ADAD1: variants seen among roughly 807,000 people sequenced by gnomAD.
ADAD1 encodes the protein adenosine deaminase domain containing 1, also known as adenosine deaminase domain-containing protein 1.
ADAD1 carries 46 observed loss-of-function variants against 66.8 expected under a neutral mutation model. That is an observed-to-expected ratio of 0.69 (90% CI 0.54 to 0.88). The LOEUF is 0.88. Among genes scored for constraint, ADAD1 ranks in the 40% least tolerant of loss-of-function variants. The pLI is 0.00. For synonymous variants in ADAD1, 248 were observed against 229.4 expected, an observed-to-expected ratio of 1.08 and a Z score of -0.73; for missense variants, 617 against 681.8, an observed-to-expected ratio of 0.91 and a Z score of 1.06.
At chr4:122,420,543 G>A (rs1796955025) in intron 11 of ADAD1, among the ~76,000 whole-genome samples, 1 of 152,186 alleles carries the variant, frequency 6.6e-6, no homozygotes, top group South Asian at 2.1e-4. Context: ...AAATTCAAGG[G>A]AAGGGAAAAT....
chr4:122,411,490 C>T (rs988122326), intron 9 of ADAD1, 98 bp downstream of exon 9: 7 of 1,207,292 alleles, frequency 5.8e-6, no homozygotes, highest in African/African-American at 4.8e-5. Context: ...TCTAATTACC[C>T]GTATTTTCTC....
chr4:122,418,630 G>A (rs1271289217), intron 11 of ADAD1, among the ~76,000 whole-genome samples: 1 of 151,972 alleles, frequency 6.6e-6, no homozygotes, highest in African/African-American at 2.4e-5. Context: ...TTATTTTCAT[G>A]AGAAAGTTAC....
chr4:122,389,529 C>G (rs1438199102), intron 5 of ADAD1, among the ~76,000 whole-genome samples: 1 of 152,174 alleles, frequency 6.6e-6, no homozygotes, highest in Non-Finnish European at 1.5e-5. Flanking sequence ...TTTTATGAAT[C>G]TGGGTGCTCC....
rs78459437 is a variant in ADAD1 at position 122,406,691 on chromosome 4, C to G, written c.725-1217C>G. ...ATCTTACACCATCCCCTTCACCCCA[C>G]TTACTAGATTAGCTATACTTCTCTC... On this transcript the variant is annotated intron_variant, in intron 7 of 12. Coordinates refer to ENST00000296513, the MANE Select transcript of ADAD1 (RefSeq NM_139243.4). Among the ~76,000 whole-genome samples the G allele has an allele frequency of 5.0e-3, 766 of 152,244 alleles. 15 individuals carry two copies. The highest frequency in any genetic ancestry group is 0.018 in the African/African-American group (731 of 41,542).
chr4:122,395,407 G>T (rs1795657173), intron 6 of ADAD1, among the ~76,000 whole-genome samples: 1 of 152,088 alleles, frequency 6.6e-6, no homozygotes. Flanking sequence ...ATGAGGCCGG[G>T]CGCGGTGGCT....
chr4:122,399,071 A>G (rs760232350), intron 7 of ADAD1, among the ~76,000 whole-genome samples: 1 of 152,108 alleles, frequency 6.6e-6, no homozygotes, highest in Non-Finnish European at 1.5e-5. Flanking sequence ...AGTTTTTCCA[A>G]TGTTATCTTC....
At chr4:122,391,234 G>A (rs1263755332) in intron 5 of ADAD1, among the ~76,000 whole-genome samples, 1 of 152,126 alleles carries the variant, frequency 6.6e-6, no homozygotes, top group Non-Finnish European at 1.5e-5. Context: ...ATGGGTGCCT[G>A]CTCCTCCCTC....
chr4:122,424,473 A>G (rs1376993802), intron 12 of ADAD1, among the ~76,000 whole-genome samples: 1 of 152,168 alleles, frequency 6.6e-6, no homozygotes, highest in Admixed American at 6.5e-5. Flanking sequence ...CTCTATATTG[A>G]AATAAAGTTG....
intron 11 of ADAD1, among the ~76,000 whole-genome samples, chr4:122,419,087 A>G (rs537527001): frequency 5.3e-5 from 8 of 152,256 alleles, no homozygotes; most frequent in Non-Finnish European, 8.8e-5. Context: ...GCATATGCTC[A>G]TTGCAGCACT....
At chr4:122,387,747 TTTTTTTG>T (rs1273217469) in intron 5 of ADAD1, among the ~76,000 whole-genome samples, 3 of 151,816 alleles carry the variant, frequency 2.0e-5, no homozygotes, top group Admixed American at 1.3e-4. Context: ...AGAGGTTTTT[TTTTTTTG>T]TTTTTTGTTT....
chr4:122,380,905 C>A, intron 3 of ADAD1, 87 bp from the exon 4 acceptor site: 1 of 1,234,002 alleles, frequency 8.1e-7, no homozygotes, highest in Non-Finnish European at 1.1e-6. Flanking sequence ...CTGGGACAAC[C>A]TTCCATTTCG....
intron 9 of ADAD1, among the ~76,000 whole-genome samples, chr4:122,412,343 G>T (rs781773738): frequency 1.3e-5 from 2 of 152,082 alleles, no homozygotes; most frequent in Non-Finnish European, 2.9e-5. Flanking sequence ...ATAAAGTGGT[G>T]ATAATATGAA....
chr4:122,413,277 T>G (rs1176705900), intron 10 of ADAD1, among the ~76,000 whole-genome samples: 4 of 152,180 alleles, frequency 2.6e-5, no homozygotes, highest in Non-Finnish European at 1.5e-5. Flanking sequence ...TCAAAAAGTT[T>G]GCAGAAACAA....
intron 12 of ADAD1, among the ~76,000 whole-genome samples, chr4:122,427,683 C>T (rs1283639195): frequency 2.0e-5 from 3 of 151,526 alleles, no homozygotes; most frequent in African/African-American, 7.3e-5. Flanking sequence ...TACAGGCACC[C>T]GCCACCACGC....
At chr4:122,408,057 A>G in intron 8 of ADAD1, 26 bp downstream of exon 8, 3 of 1,589,880 alleles carry the variant, frequency 1.9e-6, no homozygotes, top group Admixed American at 1.7e-5. Context: ...TATTAATGTT[A>G]TTAAATATGA....
chr4:122,384,171 A>T (rs537661339), intron 5 of ADAD1, among the ~76,000 whole-genome samples: 1 of 152,338 alleles, frequency 6.6e-6, no homozygotes, highest in East Asian at 1.9e-4. Context: ...AGGTATAATC[A>T]TGTTGCTAAA....
chr4:122,422,944 C>A, intron 12 of ADAD1, among the ~76,000 whole-genome samples: 1 of 135,794 alleles, frequency 7.4e-6, no homozygotes. Context: ...AGAGCAAGAC[C>A]CTATTTCTCT....
intron 4 of ADAD1, among the ~76,000 whole-genome samples, 177 bp from the exon 5 acceptor site, chr4:122,383,622 A>G (rs1795012281): frequency 6.6e-6 from 1 of 152,196 alleles, no homozygotes; most frequent in African/African-American, 2.4e-5. Flanking sequence ...GAGTTAGTTC[A>G]GATGCCCATT....
chr4:122,411,664 A>G (rs1345824327), intron 9 of ADAD1, among the ~76,000 whole-genome samples: 2 of 152,226 alleles, frequency 1.3e-5, no homozygotes, highest in Non-Finnish European at 2.9e-5. Context: ...CATGACGCTC[A>G]AAGGAAATTC....
Sources: gnomAD v4.1 joint callset for allele counts (sites outside exome capture counted in the v4.1 genomes callset) on GRCh38, gnomAD v4.1.1 for gene constraint, MANE v1.5 for transcripts, NCBI Gene and HGNC (gene_info 2026-07-23, HGNC 2026-07-21) for gene names.